The following CSMD1 variants were observed in gnomAD, a reference collection of about 807,000 sequenced individuals.
The protein encoded by CSMD1 is CUB and sushi domain-containing protein 1.
Under a neutral mutation model 417.5 loss-of-function variants are expected in CSMD1, and 213 were observed. That is an observed-to-expected ratio of 0.51 (90% CI 0.46 to 0.57). CSMD1 has a LOEUF of 0.57. CSMD1 is among the 20% of genes least tolerant of loss of function. The probability of loss-of-function intolerance (pLI) is 0.00; values close to 1 mark genes in which losing one functional copy is unlikely to be tolerated. For synonymous variants in CSMD1, 2,862 were observed against 1,736.8 expected, an observed-to-expected ratio of 1.65 and a Z score of -16.11; for missense variants, 6,923 against 4,529.7, an observed-to-expected ratio of 1.53 and a Z score of -15.17.
intron 5 of CSMD1, among the ~76,000 whole-genome samples, chr8:3,821,537 C>G (rs1177807429): frequency 6.6e-6 from 1 of 152,158 alleles, no homozygotes. Flanking sequence ...AATCCCAGCA[C>G]TTTGAAAGGC....
chr8:4,874,235 C>A (rs1235121352), intron 1 of CSMD1, among the ~76,000 whole-genome samples: 1 of 151,850 alleles, frequency 6.6e-6, no homozygotes, highest in Admixed American at 6.6e-5. Flanking sequence ...TATAATTGGC[C>A]GTGGTTTTCA....
At chr8:4,359,982 C>G (rs1174536514) in intron 3 of CSMD1, among the ~76,000 whole-genome samples, 2 of 152,200 alleles carry the variant, frequency 1.3e-5, no homozygotes, top group East Asian at 3.9e-4. Context: ...GCTCAATTAG[C>G]CAAATGCCAC....
At chr8:3,102,911 C>T (rs190499891) in intron 46 of CSMD1, among the ~76,000 whole-genome samples, 7 of 152,178 alleles carry the variant, frequency 4.6e-5, no homozygotes, top group Non-Finnish European at 7.4e-5. Context: ...TAGAATTCAA[C>T]GAGTTTTATT....
intron 49 of CSMD1, among the ~76,000 whole-genome samples, chr8:3,055,415 G>A (rs1381805874): frequency 6.6e-6 from 1 of 152,132 alleles, no homozygotes; most frequent in Non-Finnish European, 1.5e-5. Context: ...GGTTGGCAAT[G>A]GGTCAAAAGT....
chr8:4,938,533 G>A (rs967075610), intron 1 of CSMD1, among the ~76,000 whole-genome samples: 1 of 152,206 alleles, frequency 6.6e-6, no homozygotes, highest in Non-Finnish European at 1.5e-5. Flanking sequence ...CAGACACTGT[G>A]CTGAGTATGA....
chr8:3,316,230 C>T (rs750444418), intron 23 of CSMD1, among the ~76,000 whole-genome samples: 3 of 152,142 alleles, frequency 2.0e-5, no homozygotes, highest in Non-Finnish European at 2.9e-5. Flanking sequence ...TAACTATATA[C>T]TGTATGTATT....
intron 29 of CSMD1, 147 bp downstream of exon 29, chr8:3,219,108 G>C (rs1280909306): frequency 3.0e-5 from 18 of 602,678 alleles, no homozygotes; most frequent in Non-Finnish European, 4.8e-5. Flanking sequence ...ACTGGAGAGG[G>C]AGGAGACATG....
rs1801588992 is a variant in CSMD1 at position 2,937,720 on chromosome 8, TAATAA to T, written c.*860_*864del. The T allele has an allele frequency of 6.6e-6, 1 of 152,474 alleles. No individual in the cohort carries two copies. Among genetic ancestry groups the T allele is most frequent in the Non-Finnish European group, 1.5e-5 (1 of 68,030 alleles). The allele number at this position is 152,474 out of a possible 1,614,324, so 9.4% of individuals were successfully genotyped here. On this transcript the variant is annotated 3_prime_UTR_variant, in exon 70 of 70. Transcript: ENST00000635120. ...ACGTAAATGGAGCTAATTGAAGCAA[TAATAA>T]AATAAATCTCTTCAATACTGTATTT...
intron 5 of CSMD1, among the ~76,000 whole-genome samples, chr8:3,955,962 T>A (rs553562000): frequency 3.9e-5 from 6 of 152,094 alleles, no homozygotes; most frequent in Non-Finnish European, 8.8e-5. Flanking sequence ...CCCAACTAAT[T>A]GTTTGTATTT....
At chr8:4,795,274 T>A (rs1783691282) in intron 1 of CSMD1, among the ~76,000 whole-genome samples, 1 of 108,406 alleles carries the variant, frequency 9.2e-6, no homozygotes, top group African/African-American at 3.7e-5. Flanking sequence ...TTTTTTTTTT[T>A]TTTTTTTTTT....
intron 1 of CSMD1, among the ~76,000 whole-genome samples, chr8:4,757,379 A>G (rs1028223218): frequency 6.6e-6 from 1 of 152,190 alleles, no homozygotes; most frequent in African/African-American, 2.4e-5. Flanking sequence ...AGATGATTCA[A>G]TATACACAAA....
chr8:3,753,826 C>T (rs1412753055), intron 6 of CSMD1, 104 bp downstream of exon 6: 4 of 698,764 alleles, frequency 5.7e-6, no homozygotes, highest in African/African-American at 1.8e-5. Context: ...AATTAGAAAC[C>T]ATTTTCAAGC....
chr8:4,572,736 C>T (rs916209071), intron 2 of CSMD1, among the ~76,000 whole-genome samples: 11 of 152,228 alleles, frequency 7.2e-5, no homozygotes, highest in Admixed American at 2.6e-4. Context: ...CCATTCTCCC[C>T]GTCACTTTCA....
chr8:3,387,512 C>A lies in CSMD1; in HGVS notation c.2764G>T (p.Ala922Ser). Reference sequence around the variant, plus strand: ...TACCTACCGTCGCAGCTGGGCAAGGCGTGGTTCCACTGGTGGTTCCTCTCA... The same window carrying A: ...TACCTACCGTCGCAGCTGGGCAAGGAGTGGTTCCACTGGTGGTTCCTCTCA... ...VCERNHQWNH[A>S]LPSCDALCGG... The change falls in exon 18 of 70, where the codon GCC becomes TCC. Residue 922 changes from alanine to serine, a missense_variant. By Grantham distance (99) the Ala-to-Ser change is moderately conservative (BLOSUM62 1). Transcript: ENST00000635120. The A allele has an allele frequency of 3.1e-6, 5 of 1,600,966 alleles. No individual in the cohort carries two copies. Among genetic ancestry groups the A allele is most frequent in the Non-Finnish European group, 4.3e-6 (5 of 1,173,700 alleles).
At chr8:4,073,720 T>C (rs1444018463) in intron 3 of CSMD1, among the ~76,000 whole-genome samples, 2 of 152,150 alleles carry the variant, frequency 1.3e-5, no homozygotes, top group South Asian at 2.1e-4. Flanking sequence ...TATTGACTTG[T>C]ATAGACACCA....
chr8:3,779,856 C>G (rs1231659673), intron 5 of CSMD1, among the ~76,000 whole-genome samples: 3 of 152,152 alleles, frequency 2.0e-5, no homozygotes, highest in Admixed American at 6.5e-5. Flanking sequence ...TTAAGGTGTT[C>G]TTGAATATTT....
At chr8:4,115,981 T>C (rs1255475937) in intron 3 of CSMD1, among the ~76,000 whole-genome samples, 2 of 85,198 alleles carry the variant, frequency 2.3e-5, no homozygotes, top group South Asian at 3.8e-4. Flanking sequence ...TATTTATTTA[T>C]TTATTTATTT....
chr8:3,924,967 C>A (rs1377673800), intron 5 of CSMD1, among the ~76,000 whole-genome samples: 2 of 152,100 alleles, frequency 1.3e-5, no homozygotes, highest in Non-Finnish European at 2.9e-5. Context: ...GCTTTCTTAG[C>A]ATTTGAAGCA....
intron 5 of CSMD1, among the ~76,000 whole-genome samples, chr8:3,920,551 G>C (rs538925166): frequency 3.5e-4 from 53 of 152,044 alleles, no homozygotes; most frequent in Non-Finnish European, 6.0e-4. Flanking sequence ...AACTTGTCTT[G>C]TTCTTAAATT....
Sources: allele counts gnomAD v4.1 joint callset (sites outside exome capture counted in the v4.1 genomes callset), GRCh38; gene constraint gnomAD v4.1.1; transcripts MANE v1.5; gene names NCBI Gene and HGNC (gene_info 2026-07-23, HGNC 2026-07-21).